GSC2: variants seen among roughly 807,000 people sequenced by gnomAD.
GSC2 encodes goosecoid homeobox 2, also known as homeobox protein goosecoid-2.
A neutral mutation model predicts 11.3 loss-of-function variants in GSC2; 12 were observed. The observed-to-expected ratio is 1.06, with a 90% CI of 0.68 to 1.72. GSC2 has a LOEUF of 1.72. Among genes scored for constraint, GSC2 ranks in the 40% most tolerant of loss-of-function variants. The pLI is 0.00. For synonymous variants in GSC2, 148 were observed against 110.0 expected, an observed-to-expected ratio of 1.35 and a Z score of -2.16; for missense variants, 310 against 235.7, an observed-to-expected ratio of 1.32 and a Z score of -2.06.
In GSC2 at chr22:19,149,790, T is replaced by G. The variant is rs2083817295; in HGVS notation, c.386A>C (p.His129Pro). 6.3e-7 allele frequency: 1 copy of G among 1,587,690 alleles called. No homozygotes were observed. Among genetic ancestry groups the G allele is most frequent in the African/African-American group, 1.4e-5 (1 of 72,234 alleles). Residue 129 changes from histidine to proline, a missense_variant, in exon 2 of 3, where the codon CAC (histidine) becomes CCC (proline). His to Pro is a moderately conservative substitution (Grantham distance 77). Coordinates refer to ENST00000086933, the MANE Select transcript of GSC2 (RefSeq NM_005315.2). ...CTGCTCTTCGCTGAAGATGGTGCGG[T>G]GGCGCCTCGTGCGCCGCTGCGAACC... ...GPGSQRRTRR[H>P]RTIFSEEQLQ...
In GSC2 at chr22:19,150,059, C is replaced by G. The variant is rs1219940639; in HGVS notation, c.225G>C (p.Ala75=). ...CGGCCGCCTCTGGGGGCCCGCAGGG[C>G]GCCGCGCGGGGGCCGCAGCAGCAGC... ...ACCCCCGPRA[A]PCGPPEAAAG... is the part of the protein sequence containing the mutation. Residue 75 remains alanine (A), a synonymous_variant, in exon 1 of 3, where the codon GCG becomes GCC. Coordinates refer to ENST00000086933, the MANE Select transcript of GSC2 (RefSeq NM_005315.2). 2.0e-6 allele frequency: 2 copies of G among 1,000,206 alleles called. No homozygotes were observed. The highest frequency in any genetic ancestry group is 3.5e-5 in the African/African-American group (2 of 57,006). 62.0% of individuals were successfully genotyped at this position (1,000,206 alleles called of 1,614,324 possible). A position where few individuals can be genotyped will look rare whatever the true frequency, so the allele number is the denominator to read the frequency against.
At chr22:19,149,977 G>A (rs1174833858) in intron 1 of GSC2, 48 bp downstream of exon 1, 1 of 1,169,810 alleles carries the variant, frequency 8.5e-7, no homozygotes, top group African/African-American at 1.6e-5. Context: ...CCACTGCGCC[G>A]CGCCCCGGGC....
At position 19,148,830 on chromosome 22, in the gene GSC2, C is replaced by T; in HGVS notation, c.*161G>A. ...CCAAGCACCGGGGGCCCGTCCCCAG[C>T]GCCACGGCAGCACGAGCTGCAGGAG... On this transcript the variant is annotated 3_prime_UTR_variant, in exon 3 of 3. Coordinates refer to ENST00000086933, the MANE Select transcript of GSC2 (RefSeq NM_005315.2). 1.8e-6 allele frequency: 1 copy of T among 547,884 alleles called. No homozygotes were observed. Among genetic ancestry groups the T allele is most frequent in the Non-Finnish European group, 3.2e-6 (1 of 308,758 alleles). The allele number at this position is 547,884 out of a possible 1,614,324, so 33.9% of individuals were successfully genotyped here. A position where few individuals can be genotyped will look rare whatever the true frequency, so the allele number is the denominator to read the frequency against.
chr22:19,147,646 G>A lies in GSC2; in HGVS notation c.*1345C>T, dbSNP rs1365379572. 2.0e-5 allele frequency among the ~76,000 whole-genome samples: 3 copies of A among 152,198 alleles called. No homozygotes were observed. Among genetic ancestry groups the A allele is most frequent in the Admixed American group, 6.5e-5 (1 of 15,284 alleles). On this transcript the variant is annotated 3_prime_UTR_variant, in exon 3 of 3. Transcript: ENST00000086933. ...CAGGGTTCAGGGAGAAGGGCTTTGT[G>A]TGCATGCTAGGGGTGGAGGCGGGGA...
chr22:19,149,677 C>A lies in GSC2; in HGVS notation c.499G>T (p.Glu167Ter), dbSNP rs201213674. 1.5e-4 allele frequency: 230 copies of A among 1,554,436 alleles called. No homozygotes were observed. Among genetic ancestry groups the A allele is most frequent in the Admixed American group, 2.8e-4 (15 of 52,768 alleles). The change falls in exon 2 of 3, where the codon GAG becomes TAG. Residue 167 changes from glutamate to a stop codon, truncating the protein, a stop_gained. Transcript: ENST00000086933. LOFTEE classifies it high-confidence loss of function. ...ERLAGRIRLREERVEVWFKNR... is the reference protein window; with the variant it reads ...ERLAGRIRLR ...GGGGCACTCACCTCCACGCGCTCCT[C>A]GCGAAGGCGGATGCGGCCGGCCAGG...
chr22:19,149,466 C>T (rs946443383), intron 2 of GSC2, among the ~76,000 whole-genome samples, 197 bp downstream of exon 2: 3 of 152,248 alleles, frequency 2.0e-5, no homozygotes, highest in Non-Finnish European at 4.4e-5. Context: ...CGGTTCCTTT[C>T]CCGCGGCACC....
In GSC2 at chr22:19,147,520, G is replaced by A. The variant is rs1247788969; in HGVS notation, c.*1471C>T. Among the ~76,000 whole-genome samples, 1 of 152,170 alleles carries A rather than the reference G, an allele frequency of 6.6e-6. No individual in the cohort carries two copies. The highest frequency in any genetic ancestry group is 6.5e-5 in the Admixed American group (1 of 15,276). On this transcript the variant is annotated 3_prime_UTR_variant, in exon 3 of 3. Transcript: ENST00000086933. ...TGGCCATTCAACCAAGGAACTCAAG[G>A]GGCCTGGAGCCTGTGAGATGCGAGT...
chr22:19,149,800 T>C lies in GSC2; in HGVS notation c.376A>G (p.Thr126Ala). Residue 126 changes from threonine (T) to alanine (A), a missense_variant, in exon 2 of 3, where the codon ACG becomes GCG. Transcript: ENST00000086933. Reference sequence around the variant, plus strand: ...CTGAAGATGGTGCGGTGGCGCCTCGTGCGCCGCTGCGAACCCGGGCCGACC... The same window carrying C: ...CTGAAGATGGTGCGGTGGCGCCTCGCGCGCCGCTGCGAACCCGGGCCGACC... ...GAVGPGSQRR[T>A]RRHRTIFSEE... 6.3e-7 allele frequency: 1 copy of C among 1,581,390 alleles called. No individual in the cohort carries two copies. The highest frequency in any genetic ancestry group is 8.6e-7 in the Non-Finnish European group (1 of 1,166,848).
In GSC2 at chr22:19,148,792, C is replaced by T. The variant is rs2083807401; in HGVS notation, c.*199G>A. The T allele has an allele frequency of 2.8e-5, 15 of 540,682 alleles. No homozygotes were observed. In the South Asian group the frequency reaches 3.7e-4, roughly 13 times the overall value. 33.5% of individuals were successfully genotyped at this position (540,682 alleles called of 1,614,324 possible). A position where few individuals can be genotyped will look rare whatever the true frequency, so the allele number is the denominator to read the frequency against. On this transcript the variant is annotated 3_prime_UTR_variant, in exon 3 of 3. Transcript: ENST00000086933. ...ACCCCCAAGGGACTCGCCACTCCCA[C>T]TGCCGTGGAACACCAAGCACCGGGG...
Position 19,149,015 on chromosome 22 carries a change from C to A in GSC2, c.594G>T (p.Lys198Asn). The A allele has an allele frequency of 1.2e-6, 2 of 1,600,048 alleles. No homozygotes were observed. Among genetic ancestry groups the A allele is most frequent in the South Asian group, 2.2e-5 (2 of 88,986 alleles). The part of the protein sequence containing the change: ...SASARLLPGV[K>N]KSPKGSC The stretch of plus-strand genomic sequence containing the variant: ...ATCAGCAGCTCCCCTTCGGGGACTT[C>A]TTGACGCCGGGCAGGAGCCTCGCGG... The change falls in exon 3 of 3, where the codon AAG (lysine) becomes AAT (asparagine). Residue 198 changes from lysine to asparagine, a missense_variant. Coordinates refer to ENST00000086933, the MANE Select transcript of GSC2 (RefSeq NM_005315.2).
At chr22:19,149,396 C>G (rs1167812189) in intron 2 of GSC2, among the ~76,000 whole-genome samples, 1 of 152,252 alleles carries the variant, frequency 6.6e-6, no homozygotes, top group African/African-American at 2.4e-5. Context: ...TGGACGTGAA[C>G]GCGGGCCTCT....
rs2083819898 is a variant in GSC2, at chr22:19,150,062, C to T, written c.222G>A (p.Ala74=). ...CACCCCCGPR[A]APCGPPEAAA... ...CCGCCTCTGGGGGCCCGCAGGGCGC[C>T]GCGCGGGGGCCGCAGCAGCAGCAGC... is the stretch of plus-strand genomic sequence containing the variant. The change falls in exon 1 of 3, where the codon GCG becomes GCA. Residue 74 remains alanine, a synonymous_variant. Transcript: ENST00000086933. 1.0e-6 allele frequency: 1 copy of T among 999,404 alleles called. No homozygotes were observed. The highest frequency in any genetic ancestry group is 1.8e-5 in the African/African-American group (1 of 57,116). The allele number at this position is 999,404 out of a possible 1,614,324, so 61.9% of individuals were successfully genotyped here.
chr22:19,147,102 G>A lies in GSC2; in HGVS notation c.*1889C>T, dbSNP rs1351717793. ...AGGGAGGGGTCCAGGGACCAGTTTC[G>A]GGTGGGCGGCTAGCTCTCTGGCTCA... On this transcript the variant is annotated 3_prime_UTR_variant, in exon 3 of 3. Transcript: ENST00000086933. Among the ~76,000 whole-genome samples the A allele has an allele frequency of 6.6e-6, 1 of 152,156 alleles. No homozygotes were observed. The highest frequency in any genetic ancestry group is 1.5e-5 in the Non-Finnish European group (1 of 68,024).
Position 19,148,997 on chromosome 22 carries a change from G to T in GSC2, c.612C>A (p.Ser204Arg). ...LPGVKKSPKG[S>R]C ...GGGGCAGCTCCTAGAGTCATCAGCA[G>T]CTCCCCTTCGGGGACTTCTTGACGC... The change falls in exon 3 of 3, where the codon AGC becomes AGA. Residue 204 changes from serine (S) to arginine (R), a missense_variant. Ser to Arg is a moderately radical substitution (Grantham distance 110, BLOSUM62 -1). Transcript: ENST00000086933. 1 of 1,584,566 alleles carries T rather than the reference G, an allele frequency of 6.3e-7. No homozygotes were observed. Among genetic ancestry groups the T allele is most frequent in the Non-Finnish European group, 8.6e-7 (1 of 1,161,470 alleles).
At position 19,148,029 on chromosome 22, in the gene GSC2, C is replaced by T. The variant is rs2083802165; in HGVS notation, c.*962G>A. On this transcript the variant is annotated 3_prime_UTR_variant, in exon 3 of 3. Transcript: ENST00000086933. Reference sequence around the variant, plus strand: ...TCCCAGGCAGCAGGGGCGGGGTCTCCCCAGTCCAACCTCCTCTTGCCCTAC... The same window carrying T: ...TCCCAGGCAGCAGGGGCGGGGTCTCTCCAGTCCAACCTCCTCTTGCCCTAC... Among the ~76,000 whole-genome samples, 1 of 152,130 alleles carries T rather than the reference C, an allele frequency of 6.6e-6. No individual in the cohort carries two copies. Among genetic ancestry groups the T allele is most frequent in the South Asian group, 2.1e-4 (1 of 4,836 alleles).
chr22:19,149,817 G>T lies in GSC2; in HGVS notation c.359C>A (p.Pro120Gln). 1.3e-6 allele frequency: 2 copies of T among 1,568,764 alleles called. No individual in the cohort carries two copies. Among genetic ancestry groups the T allele is most frequent in the African/African-American group, 1.4e-5 (1 of 71,092 alleles). Residue 120 changes from proline to glutamine, a missense_variant, in exon 2 of 3, where the codon CCG becomes CAG. By Grantham distance (76) the Pro-to-Gln change is moderately conservative (BLOSUM62 -1). Transcript: ENST00000086933. ...GCGCCTCGTGCGCCGCTGCGAACCC[G>T]GGCCGACCGCGCCCGGGAGCGCCCC... Reference protein sequence around the residue: ...GSGALPGAVGPGSQRRTRRHR... With the variant: ...GSGALPGAVGQGSQRRTRRHR...
In GSC2 at chr22:19,148,750, G is replaced by C; in HGVS notation, c.*241C>G. 2.0e-6 allele frequency: 1 copy of C among 502,898 alleles called. No homozygotes were observed. Among genetic ancestry groups the C allele is most frequent in the South Asian group, 3.0e-5 (1 of 33,620 alleles). The allele number at this position is 502,898 out of a possible 1,614,324, so 31.2% of individuals were successfully genotyped here. ...CGGGGGGTAGGGAGCTGAGGAAACTGCTCTATGCCCCAGCCCACCCCCAAG... is the reference window on the plus strand; with the variant it reads ...CGGGGGGTAGGGAGCTGAGGAAACTCCTCTATGCCCCAGCCCACCCCCAAG... On this transcript the variant is annotated 3_prime_UTR_variant, in exon 3 of 3. Transcript: ENST00000086933.
At position 19,148,175 on chromosome 22, in the gene GSC2, C is replaced by T. The variant is rs1601378958; in HGVS notation, c.*816G>A. Among the ~76,000 whole-genome samples, 1 of 152,284 alleles carries T rather than the reference C, an allele frequency of 6.6e-6. No homozygotes were observed. Among genetic ancestry groups the T allele is most frequent in the East Asian group, 1.9e-4 (1 of 5,172 alleles). ...GTAGCCTAGAGGCCAGGGCTGGACC[C>T]CAGGGGTCCAAGGCCACCATCCGTG... On this transcript the variant is annotated 3_prime_UTR_variant, in exon 3 of 3. Coordinates refer to ENST00000086933, the MANE Select transcript of GSC2 (RefSeq NM_005315.2).
In GSC2 at chr22:19,148,959, G is replaced by A. The variant is rs1272289002; in HGVS notation, c.*32C>T. On this transcript the variant is annotated 3_prime_UTR_variant, in exon 3 of 3. Coordinates refer to ENST00000086933, the MANE Select transcript of GSC2 (RefSeq NM_005315.2). ...GCCAACTCCAAAGATCCCAAAAAGG[G>A]TGGCCGAGCCCAGGGGCAGCTCCTA... 2.3e-6 allele frequency: 3 copies of A among 1,318,722 alleles called. No individual in the cohort carries two copies. The East Asian group carries it at 7.6e-5, about 33-fold the overall frequency. 81.7% of individuals were successfully genotyped at this position (1,318,722 alleles called of 1,614,324 possible).
Sources: gnomAD v4.1 joint callset for allele counts (sites outside exome capture counted in the v4.1 genomes callset) on GRCh38, gnomAD v4.1.1 for gene constraint, MANE v1.5 for transcripts, NCBI Gene and HGNC (gene_info 2026-07-23, HGNC 2026-07-21) for gene names.